ZNF16: variants seen among roughly 807,000 people sequenced by gnomAD.
The protein encoded by ZNF16 is zinc finger protein KOX9.
In ZNF16, 7 loss-of-function variants were observed where a neutral mutation model predicts 9.0. The observed-to-expected ratio is 0.78, with a 90% confidence interval of 0.44 to 1.47. The LOEUF (loss-of-function observed/expected upper bound fraction) is 1.47. Among genes scored for constraint, ZNF16 ranks in the 40% most tolerant of loss-of-function variants. The pLI, the probability that ZNF16 is intolerant of heterozygous loss-of-function variation, is 0.01. For synonymous variants in ZNF16, 312 were observed against 301.5 expected (o/e 1.03, Z -0.36); for missense variants, 830 against 854.2 (o/e 0.97, Z 0.35).
chr8:144,937,132 TC>T, intron 2 of ZNF16, among the ~76,000 whole-genome samples: 1 of 139,318 alleles, frequency 7.2e-6, no homozygotes, highest in Admixed American at 7.2e-5. Context: ...TTTTTCACTT[TC>T]TTTCTCTCTC....
chr8:144,945,104 C>T (rs1181991131), intron 2 of ZNF16: 2 of 151,238 alleles, frequency 1.3e-5, no homozygotes, highest in African/African-American at 4.9e-5. Context: ...TTCCTGGATT[C>T]CCCAAAATAT....
At chr8:144,942,037 G>A (rs1472824615) in intron 2 of ZNF16, among the ~76,000 whole-genome samples, 7 of 148,670 alleles carry the variant, frequency 4.7e-5, no homozygotes, top group African/African-American at 1.5e-4. Context: ...GAGTGCAGTG[G>A]CGCGATCTTG....
chr8:144,935,156 C>T (rs1412263620), intron 2 of ZNF16, among the ~76,000 whole-genome samples: 1 of 151,882 alleles, frequency 6.6e-6, no homozygotes, highest in Non-Finnish European at 1.5e-5. Flanking sequence ...AAAATGAGTT[C>T]CTCTACAGAA....
chr8:144,942,369 C>A (rs1351681904), intron 2 of ZNF16, among the ~76,000 whole-genome samples: 1 of 151,418 alleles, frequency 6.6e-6, no homozygotes, highest in African/African-American at 2.4e-5. Context: ...CTGAGTTCAA[C>A]CTCTGCCTCC....
intron 2 of ZNF16, among the ~76,000 whole-genome samples, chr8:144,943,849 C>T (rs1212987379): frequency 6.6e-6 from 1 of 152,032 alleles, no homozygotes; most frequent in Non-Finnish European, 1.5e-5. Context: ...GATCTTTTTT[C>T]TCCTCAGACT....
chr8:144,938,071 A>C (rs1426784645), intron 2 of ZNF16, among the ~76,000 whole-genome samples: 1 of 152,174 alleles, frequency 6.6e-6, no homozygotes, highest in African/African-American at 2.4e-5. Context: ...CTTGTTGAAA[A>C]TCCACCTGCC....
chr8:144,948,816 CCT>C (rs1373561683), intron 1 of ZNF16, among the ~76,000 whole-genome samples: 1 of 152,160 alleles, frequency 6.6e-6, no homozygotes, highest in Admixed American at 6.5e-5. Context: ...ATAAATGCCC[CCT>C]CTCACCCAGG....
intron 2 of ZNF16, among the ~76,000 whole-genome samples, chr8:144,941,032 G>T (rs1023970072): frequency 6.6e-6 from 1 of 152,190 alleles, no homozygotes; most frequent in South Asian, 2.1e-4. Flanking sequence ...TGACTGGAGA[G>T]GGGAGGGGTT....
intron 2 of ZNF16, among the ~76,000 whole-genome samples, chr8:144,937,300 T>C (rs1586952383): frequency 6.6e-6 from 1 of 151,912 alleles, no homozygotes; most frequent in African/African-American, 2.4e-5. Context: ...CATGCCCAGC[T>C]AATTTTTGTA....
chr8:144,950,247 C>G (rs532508270), intron 1 of ZNF16, among the ~76,000 whole-genome samples: 1 of 152,074 alleles, frequency 6.6e-6, no homozygotes, highest in Non-Finnish European at 1.5e-5. Context: ...CTGCATTCCT[C>G]TTGCTGAGAT....
rs755845201 is a variant in ZNF16, at chr8:144,946,142, G to C, written c.65C>G (p.Pro22Arg). 3.8e-6 allele frequency: 6 copies of C among 1,591,588 alleles called. No individual in the cohort carries two copies. The East Asian group carries it at 1.1e-4, about 30-fold the overall frequency. Residue 22 changes from proline to arginine, a missense_variant, in exon 2 of 3, where the codon CCC becomes CGC. By Grantham distance (103) the Pro-to-Arg change is moderately radical. Transcript: ENST00000394909. ...EMELSVPGPS[P>R]WTPAAQARVR... ...ACGGGCCTGGGCTGCAGGGGTCCAG[G>C]GGGATGGTCCTGGAACTGAGAGCTC...
rs1291771670 is a variant in ZNF16, at chr8:144,932,711, G to A, written c.197-121C>T. On this transcript the variant is annotated intron_variant, in intron 2 of 2. Transcript: ENST00000394909. This position sits in a 1 kb window ranked among gnomAD's most constrained non-coding sequence, Gnocchi z 5.0. ...CAAGGGGAGCAGGGGATCCTCTGGG[G>A]TGGCAGTCCAGATCAGAGGGCATCA... The A allele has an allele frequency of 1.2e-5, 13 of 1,045,342 alleles. No individual in the cohort carries two copies. Among genetic ancestry groups the A allele is most frequent in the Non-Finnish European group, 1.7e-5 (12 of 722,434 alleles). The allele number at this position is 1,045,342 out of a possible 1,614,324, so 64.8% of individuals were successfully genotyped here.
At chr8:144,938,170 C>T (rs1288817490) in intron 2 of ZNF16, among the ~76,000 whole-genome samples, 3 of 152,224 alleles carry the variant, frequency 2.0e-5, no homozygotes, top group African/African-American at 7.2e-5. Flanking sequence ...TTGATTACTG[C>T]AGCTTTGTAG....
chr8:144,949,873 C>T (rs900339264), intron 1 of ZNF16, among the ~76,000 whole-genome samples: 20 of 152,152 alleles, frequency 1.3e-4, no homozygotes, highest in South Asian at 2.1e-4. Context: ...GCCCAACGCC[C>T]GTAAAGGGTC....
chr8:144,932,260 G>A lies in ZNF16; in HGVS notation c.527C>T (p.Thr176Ile), dbSNP rs144660752. The A allele has an allele frequency of 8.7e-5, 140 of 1,614,042 alleles. No individual in the cohort carries two copies. Among genetic ancestry groups the A allele is most frequent in the Non-Finnish European group, 1.2e-4 (137 of 1,180,036 alleles). Residue 176 changes from threonine (T) to isoleucine (I), a missense_variant, in exon 3 of 3, where the codon ACA (threonine) becomes ATA (isoleucine). Coordinates refer to ENST00000394909, the MANE Select transcript of ZNF16 (RefSeq NM_006958.3). The surrounding 1 kb of genome is among the most constrained non-coding windows in gnomAD (Gnocchi z 5.0). Reference sequence around the variant, plus strand: ...GTCATATGGATGTGGCCTCTCTTCTGTAGGGATTTCCTGACATGCCATCAG... The same window carrying A: ...GTCATATGGATGTGGCCTCTCTTCTATAGGGATTTCCTGACATGCCATCAG... ...PNLMACQEIP[T>I]EERPHPYDMG... is the part of the protein sequence containing the mutation.
chr8:144,941,951 C>T (rs1341894537), intron 2 of ZNF16, among the ~76,000 whole-genome samples: 2 of 150,240 alleles, frequency 1.3e-5, no homozygotes, highest in Admixed American at 1.3e-4. Context: ...GCCACCGCGC[C>T]TGGCCTCTTG....
Position 144,931,326 on chromosome 8 carries a change from C to T in ZNF16, c.1461G>A (p.Lys487=), listed in dbSNP as rs1034018391. ...TCCCACAGACACTGCATCTGTACGG[C>T]TTCTCTCCCGTGTGGATGATCTGGT... The part of the protein sequence containing the change: ...RKHQIIHTGE[K]PYRCSVCGKA... The change falls in exon 3 of 3, where the codon AAG becomes AAA. Residue 487 remains lysine, a synonymous_variant. Transcript: ENST00000394909. 5.0e-6 allele frequency: 8 copies of T among 1,613,686 alleles called. No individual in the cohort carries two copies. Among genetic ancestry groups the T allele is most frequent in the Non-Finnish European group, 6.8e-6 (8 of 1,179,914 alleles).
Position 144,947,187 on chromosome 8 carries a change from G to A in ZNF16, c.-9-972C>T, listed in dbSNP as rs76780296. Among the ~76,000 whole-genome samples the A allele has an allele frequency of 7.4e-5, 10 of 134,578 alleles. No individual in the cohort carries two copies. The South Asian group carries it at 2.1e-3, about 29-fold the overall frequency. The allele number at this position is 134,578 out of a possible 152,430, so 88.3% of individuals were successfully genotyped here. On this transcript the variant is annotated intron_variant, in intron 1 of 2. Transcript: ENST00000394909. ...CCCTGCTGTGGGCCTGTGTCCTGCTGTGGGCCTGTGTCCTGCTGTTGGGCT... is the reference window on the plus strand; with the variant it reads ...CCCTGCTGTGGGCCTGTGTCCTGCTATGGGCCTGTGTCCTGCTGTTGGGCT...
intron 2 of ZNF16, among the ~76,000 whole-genome samples, chr8:144,936,016 C>T (rs1340682550): frequency 6.6e-6 from 1 of 152,228 alleles, no homozygotes; most frequent in Non-Finnish European, 1.5e-5. Context: ...ACCACCACCT[C>T]TATTTTCAAA....
Sources: gnomAD v4.1 joint callset for allele counts (sites outside exome capture counted in the v4.1 genomes callset) on GRCh38, gnomAD v4.1.1 for gene constraint, Gnocchi (gnomAD v3.1) non-coding constraint, MANE v1.5 for transcripts, NCBI Gene and HGNC (gene_info 2026-07-23, HGNC 2026-07-21) for gene names.